The following GREM2 variants were observed in gnomAD, a reference collection of about 807,000 sequenced individuals.
GREM2 encodes the protein gremlin 2, DAN family BMP antagonist, also known as gremlin-2.
Under a neutral mutation model 14.2 loss-of-function variants are expected in GREM2, and 11 were observed. The ratio of observed to expected loss-of-function variants is 0.78; its 90% CI spans 0.49 to 1.28. The LOEUF (loss-of-function observed/expected upper bound fraction) is 1.28, where lower values mean the gene tolerates loss of function less well. Ranked by LOEUF, GREM2 falls within the 50% of genes most tolerant of loss-of-function variation. The pLI is 0.00. For synonymous variants in GREM2, 98 were observed against 97.6 expected (o/e 1.00, Z -0.02); for missense variants, 210 against 218.5 (o/e 0.96, Z 0.24).
intron 1 of GREM2, among the ~76,000 whole-genome samples, chr1:240,508,572 A>C (rs1299940659): frequency 2.6e-5 from 4 of 152,212 alleles, no homozygotes; most frequent in Non-Finnish European, 2.9e-5. Context: ...ATTTGTAGAG[A>C]ATGTTTCTTG....
chr1:240,591,395 GAGGTTACGT>G (rs1679712240), intron 1 of GREM2, among the ~76,000 whole-genome samples: 2 of 152,204 alleles, frequency 1.3e-5, no homozygotes, highest in Admixed American at 1.3e-4. Context: ...AAACTGAAAA[GAGGTTACGT>G]AGCTTAGAGA....
chr1:240,576,616 G>C (rs1378847097), intron 1 of GREM2, among the ~76,000 whole-genome samples: 1 of 152,124 alleles, frequency 6.6e-6, no homozygotes, highest in East Asian at 1.9e-4. Flanking sequence ...AGTGGGAAGT[G>C]GGGGAGGGGG....
At position 240,491,727 on chromosome 1, in the gene GREM2, T is replaced by C. The variant is rs1198662865; in HGVS notation, c.*1242A>G. Reference sequence around the variant, plus strand: ...TTTCAATATCCCTCTCTTTTTCTCTTTCTTTTAACAGGAAATATTTTTTGC... The same window carrying C: ...TTTCAATATCCCTCTCTTTTTCTCTCTCTTTTAACAGGAAATATTTTTTGC... On this transcript the variant is annotated 3_prime_UTR_variant, in exon 2 of 2. Transcript: ENST00000318160. The C allele has an allele frequency of 6.5e-6, 1 of 152,678 alleles. No homozygotes were observed. Among genetic ancestry groups the C allele is most frequent in the African/African-American group, 2.4e-5 (1 of 41,450 alleles). The allele number at this position is 152,678 out of a possible 1,614,324, so 9.5% of individuals were successfully genotyped here.
chr1:240,577,893 T>A (rs944866232), intron 1 of GREM2, among the ~76,000 whole-genome samples: 1 of 152,324 alleles, frequency 6.6e-6, no homozygotes, highest in Non-Finnish European at 1.5e-5. Flanking sequence ...TTGAACTACA[T>A]AAATCACTCA....
rs528820115 is a variant in GREM2 at position 240,558,396 on chromosome 1, A to T, written c.-2+53488T>A. 1.8e-4 allele frequency among the ~76,000 whole-genome samples: 27 copies of T among 152,104 alleles called. No individual in the cohort carries two copies. In the East Asian group the frequency reaches 2.9e-3, roughly 16 times the overall value. On this transcript the variant is annotated intron_variant, in intron 1 of 1. Coordinates refer to ENST00000318160, the MANE Select transcript of GREM2 (RefSeq NM_022469.4). ...AACTATGCGAAAACAATTTTGATGA[A>T]TTTTTTTTAAATATTGAAAAGAAAA...
At chr1:240,512,145 G>A (rs1165182620) in intron 1 of GREM2, among the ~76,000 whole-genome samples, 1 of 152,106 alleles carries the variant, frequency 6.6e-6, no homozygotes, top group African/African-American at 2.4e-5. Context: ...TCAATGCAAG[G>A]GAATAGTGAA....
At position 240,492,890 on chromosome 1, in the gene GREM2, G is replaced by T. The variant is rs1011448429; in HGVS notation, c.*79C>A. On this transcript the variant is annotated 3_prime_UTR_variant, in exon 2 of 2. Coordinates refer to ENST00000318160, the MANE Select transcript of GREM2 (RefSeq NM_022469.4). ...CACCAGGCAGCGTGACAGTGGGCTCGGAGGGCAGGGACAGAGGCGGCGGCG... is the reference window on the plus strand; with the variant it reads ...CACCAGGCAGCGTGACAGTGGGCTCTGAGGGCAGGGACAGAGGCGGCGGCG... 7 of 1,286,082 alleles carry T rather than the reference G, an allele frequency of 5.4e-6. No homozygotes were observed. Among genetic ancestry groups the T allele is most frequent in the Non-Finnish European group, 6.9e-6 (7 of 1,009,186 alleles). 79.7% of individuals were successfully genotyped at this position (1,286,082 alleles called of 1,614,324 possible).
chr1:240,593,711 T>C (rs1317133995), intron 1 of GREM2, among the ~76,000 whole-genome samples: 6 of 152,228 alleles, frequency 3.9e-5, no homozygotes, highest in South Asian at 2.1e-4. Context: ...TCCTGGTGCA[T>C]AGTACTTTCC....
intron 1 of GREM2, among the ~76,000 whole-genome samples, chr1:240,510,087 A>AG (rs1558142454): frequency 6.6e-6 from 1 of 152,074 alleles, no homozygotes; most frequent in African/African-American, 2.4e-5. Flanking sequence ...AGCAAATGGT[A>AG]GGCCGGGTGC....
chr1:240,599,267 C>CA (rs11413068), intron 1 of GREM2, among the ~76,000 whole-genome samples: 37,438 of 118,890 alleles, frequency 0.31, 5,268 homozygotes, highest in Admixed American at 0.36. Flanking sequence ...GACTCTGTCT[C>CA]AAAAAAAAAA....
rs1327388396 is a variant in GREM2 at position 240,540,227 on chromosome 1, G to T, written c.-1-46751C>A. 1.3e-5 allele frequency among the ~76,000 whole-genome samples: 2 copies of T among 152,180 alleles called. No homozygotes were observed. Among genetic ancestry groups the T allele is most frequent in the Admixed American group, 1.3e-4 (2 of 15,288 alleles). On this transcript the variant is annotated intron_variant, in intron 1 of 1. Coordinates refer to ENST00000318160, the MANE Select transcript of GREM2 (RefSeq NM_022469.4). The surrounding 1 kb of genome is among the most constrained non-coding windows in gnomAD (Gnocchi z 4.2). ...GCCTGAGTGAGGGTCCGTAATGACA[G>T]AGCCTCCTACACAGCACATTTGCTA...
chr1:240,536,363 G>A (rs1466613394), intron 1 of GREM2, among the ~76,000 whole-genome samples: 1 of 152,208 alleles, frequency 6.6e-6, no homozygotes, highest in South Asian at 2.1e-4. Flanking sequence ...CAAGCACACA[G>A]GGGGATGCAG....
intron 1 of GREM2, among the ~76,000 whole-genome samples, chr1:240,504,485 A>G (rs963019299): frequency 6.6e-6 from 1 of 152,190 alleles, no homozygotes; most frequent in African/African-American, 2.4e-5. Context: ...CTGTTGAGGA[A>G]GTGCCTACAA....
intron 1 of GREM2, among the ~76,000 whole-genome samples, chr1:240,512,236 T>C (rs1677850368): frequency 1.3e-5 from 2 of 152,196 alleles, no homozygotes; most frequent in Non-Finnish European, 1.5e-5. Context: ...GAATAAAGAA[T>C]ATATGTGACT....
chr1:240,588,639 T>C (rs962400566), intron 1 of GREM2: 1 of 152,172 alleles, frequency 6.6e-6, no homozygotes, highest in Admixed American at 6.5e-5. Context: ...TAATTATAAG[T>C]AGAGCCTGAA....
At chr1:240,501,127 T>C (rs901624892) in intron 1 of GREM2, among the ~76,000 whole-genome samples, 1 of 152,158 alleles carries the variant, frequency 6.6e-6, no homozygotes, top group African/African-American at 2.4e-5. Flanking sequence ...CATGGCTGTG[T>C]GACTGAAAAT....
chr1:240,536,406 C>G (rs1678470406), intron 1 of GREM2, among the ~76,000 whole-genome samples: 1 of 152,164 alleles, frequency 6.6e-6, no homozygotes, highest in Admixed American at 6.5e-5. Context: ...TAATTTGTCT[C>G]TAACCCTAAA....
intron 1 of GREM2, among the ~76,000 whole-genome samples, chr1:240,563,122 AGT>A (rs750121441): frequency 1.3e-4 from 13 of 101,884 alleles, no homozygotes; most frequent in African/African-American, 1.9e-4. Context: ...TGTATATGTG[AGT>A]GTGTATGTGT....
At chr1:240,605,055 G>A (rs1462226208) in intron 1 of GREM2, among the ~76,000 whole-genome samples, 1 of 152,078 alleles carries the variant, frequency 6.6e-6, no homozygotes, top group Non-Finnish European at 1.5e-5. Context: ...CTTTTAAAAA[G>A]TTCTAAGTTG....
Sources: allele counts gnomAD v4.1 joint callset (sites outside exome capture counted in the v4.1 genomes callset), GRCh38; gene constraint gnomAD v4.1.1; non-coding constraint Gnocchi (gnomAD v3.1); transcripts MANE v1.5; gene names NCBI Gene and HGNC (gene_info 2026-07-23, HGNC 2026-07-21).